KHDRBS2: variants seen among roughly 807,000 people sequenced by gnomAD.
KHDRBS2 encodes the protein KH RNA binding domain containing, signal transduction associated 2, also known as KH domain-containing, RNA-binding, signal transduction-associated protein 2.
A neutral mutation model predicts 44.3 loss-of-function variants in KHDRBS2; 26 were observed. The observed-to-expected ratio is 0.59, with a 90% CI of 0.43 to 0.81. The LOEUF (loss-of-function observed/expected upper bound fraction) is 0.81. Ranked by LOEUF, KHDRBS2 falls within the 40% of genes least tolerant of loss-of-function variation. The pLI is 0.00. For missense variants in KHDRBS2, 476 were observed against 433.1 expected, an observed-to-expected ratio of 1.10 and a Z score of -0.88; for synonymous variants, 194 against 151.1, an observed-to-expected ratio of 1.28 and a Z score of -2.08.
chr6:61,934,700 G>T (rs1239299987), intron 4 of KHDRBS2, among the ~76,000 whole-genome samples: 1 of 152,108 alleles, frequency 6.6e-6, no homozygotes, highest in East Asian at 1.9e-4. Flanking sequence ...TGTTGTGATT[G>T]TATTATTATT....
chr6:61,994,484 G>T (rs554305597), intron 3 of KHDRBS2, among the ~76,000 whole-genome samples: 1 of 152,202 alleles, frequency 6.6e-6, no homozygotes, highest in Non-Finnish European at 1.5e-5. Flanking sequence ...TGATGGTTTT[G>T]CTCTAAACAG....
chr6:62,285,468 G>T (rs1332811750), intron 1 of KHDRBS2, among the ~76,000 whole-genome samples: 3 of 152,042 alleles, frequency 2.0e-5, no homozygotes, highest in African/African-American at 7.2e-5. Flanking sequence ...TAAAAATACC[G>T]ATCTGTAGCT....
intron 6 of KHDRBS2, among the ~76,000 whole-genome samples, chr6:61,880,801 T>G (rs531487689): frequency 6.6e-6 from 1 of 152,058 alleles, no homozygotes; most frequent in African/African-American, 2.4e-5. Context: ...GGGTGAAGTC[T>G]TAGAAAGAAG....
intron 1 of KHDRBS2, among the ~76,000 whole-genome samples, chr6:62,197,356 G>A (rs2150135422): frequency 6.6e-6 from 1 of 152,012 alleles, no homozygotes; most frequent in Non-Finnish European, 1.5e-5. Context: ...TTGTACTGAG[G>A]GAAACCTATG....
rs191897920 is a variant in KHDRBS2 at position 62,047,740 on chromosome 6, A to C, written c.336+138T>G. ...TTAGGAAGAGAGAGGAGATAGCAGA[A>C]AGTGACACAGGGTGATCCCAGGAAA... On this transcript the variant is annotated intron_variant, in intron 3 of 8. Coordinates refer to ENST00000281156, the MANE Select transcript of KHDRBS2 (RefSeq NM_152688.4). 1,014 of 653,076 alleles carry C rather than the reference A, an allele frequency of 1.6e-3. 17 individuals are homozygous for C. The Admixed American group carries it at 0.021, about 14-fold the overall frequency. The allele number at this position is 653,076 out of a possible 1,614,324, so 40.5% of individuals were successfully genotyped here. A position where few individuals can be genotyped will look rare whatever the true frequency, so the allele number is the denominator to read the frequency against.
At chr6:61,759,523 G>C (rs897961951) in intron 6 of KHDRBS2, among the ~76,000 whole-genome samples, 4 of 151,874 alleles carry the variant, frequency 2.6e-5, no homozygotes, top group Non-Finnish European at 4.4e-5. Flanking sequence ...ATTTTTGAAG[G>C]GTTTTTTTTT....
chr6:62,066,177 C>T (rs956551201), intron 2 of KHDRBS2, among the ~76,000 whole-genome samples: 23 of 151,784 alleles, frequency 1.5e-4, no homozygotes, highest in Admixed American at 9.9e-4. Flanking sequence ...CAGTCCTAAT[C>T]TTAATTATAA....
the KHDRBS2 span, among the ~76,000 whole-genome samples, chr6:61,580,340 C>G: frequency 1.3e-5 from 2 of 152,200 alleles, no homozygotes; most frequent in South Asian, 4.1e-4. Flanking sequence ...ATTGTAAAGG[C>G]AACAATCAGC....
chr6:61,848,905 T>C (rs1002778146), intron 6 of KHDRBS2, among the ~76,000 whole-genome samples: 1 of 151,964 alleles, frequency 6.6e-6, no homozygotes, highest in African/African-American at 2.4e-5. Context: ...TACATAAACT[T>C]TACATAAACT....
chr6:62,089,018 T>C (rs1798970405), intron 2 of KHDRBS2, among the ~76,000 whole-genome samples: 1 of 152,122 alleles, frequency 6.6e-6, no homozygotes, highest in Admixed American at 6.5e-5. Context: ...TTGTTTACAC[T>C]GTGAGGGGAA....
intron 6 of KHDRBS2, among the ~76,000 whole-genome samples, chr6:61,770,682 T>A (rs968580697): frequency 6.6e-6 from 1 of 152,172 alleles, no homozygotes; most frequent in Non-Finnish European, 1.5e-5. Context: ...AATATGGGAC[T>A]ATGTGAAAAG....
intron 6 of KHDRBS2, among the ~76,000 whole-genome samples, chr6:61,847,220 A>G (rs1001368724): frequency 1.3e-5 from 2 of 152,160 alleles, no homozygotes; most frequent in Admixed American, 1.3e-4. Flanking sequence ...TGTTGAAAAT[A>G]AGGGAAGAGA....
intron 1 of KHDRBS2, among the ~76,000 whole-genome samples, chr6:62,191,746 C>A (rs1398669117): frequency 6.6e-6 from 1 of 152,046 alleles, no homozygotes; most frequent in Non-Finnish European, 1.5e-5. Context: ...CTGCTGTTTA[C>A]ACCAGAAAAC....
chr6:62,079,529 T>G (rs567324896), intron 2 of KHDRBS2, among the ~76,000 whole-genome samples: 1 of 152,202 alleles, frequency 6.6e-6, no homozygotes, highest in East Asian at 1.9e-4. Context: ...CTATACAATA[T>G]TTGAGCATCT....
intron 3 of KHDRBS2, among the ~76,000 whole-genome samples, chr6:62,017,838 A>G (rs750917911): frequency 6.6e-6 from 1 of 152,112 alleles, no homozygotes; most frequent in Non-Finnish European, 1.5e-5. Context: ...AGGATGTTCA[A>G]TTATTACTTT....
chr6:61,881,391 C>A (rs1311998989), intron 6 of KHDRBS2, among the ~76,000 whole-genome samples: 1 of 149,750 alleles, frequency 6.7e-6, no homozygotes, highest in Non-Finnish European at 1.5e-5. Flanking sequence ...TTTTAATATT[C>A]AAAATGCATG....
chr6:61,919,463 A>T lies in KHDRBS2; in HGVS notation c.484-18092T>A, dbSNP rs140448900. Among the ~76,000 whole-genome samples, 422 of 152,000 alleles carry T rather than the reference A, an allele frequency of 2.8e-3. 7 individuals carry two copies. Among genetic ancestry groups the T allele is most frequent in the Admixed American group, 0.022 (337 of 15,194 alleles). ...GACTGTGCAGAGCTTGATGAGGTCT[A>T]AATTCTACAGTGTGATTAGATAAAA... On this transcript the variant is annotated intron_variant, in intron 4 of 8. Transcript: ENST00000281156.
At chr6:62,240,563 CTATA>C (rs1296861922) in intron 1 of KHDRBS2, among the ~76,000 whole-genome samples, 2 of 149,380 alleles carry the variant, frequency 1.3e-5, no homozygotes, top group African/African-American at 2.5e-5. Flanking sequence ...GCATCTGTCA[CTATA>C]TATACATATA....
intron 2 of KHDRBS2, among the ~76,000 whole-genome samples, chr6:62,113,713 A>T (rs1290784386): frequency 1.3e-5 from 2 of 152,130 alleles, no homozygotes; most frequent in African/African-American, 2.4e-5. Flanking sequence ...AGAAGAGGAA[A>T]ATTAACTGAC....
Sources: gnomAD v4.1 joint callset for allele counts (sites outside exome capture counted in the v4.1 genomes callset) on GRCh38, gnomAD v4.1.1 for gene constraint, MANE v1.5 for transcripts, NCBI Gene and HGNC (gene_info 2026-07-23, HGNC 2026-07-21) for gene names.